The following NIBAN2 variants were observed in gnomAD, a reference collection of about 807,000 sequenced individuals.
NIBAN2 encodes protein Niban 2.
Under a neutral mutation model 81.8 loss-of-function variants are expected in NIBAN2, and 36 were observed. The ratio of observed to expected loss-of-function variants is 0.44; its 90% CI spans 0.34 to 0.58. NIBAN2 has a LOEUF of 0.58. Among genes scored for constraint, NIBAN2 ranks in the 20% least tolerant of loss-of-function variants. The pLI, the probability that NIBAN2 is intolerant of heterozygous loss-of-function variation, is 0.02. For missense variants in NIBAN2, 897 were observed against 1,014.1 expected, an observed-to-expected ratio of 0.88 and a Z score of 1.57; for synonymous variants, 445 against 441.6, an observed-to-expected ratio of 1.01 and a Z score of -0.10.
intron 8 of NIBAN2, among the ~76,000 whole-genome samples, chr9:127,510,904 G>T (rs551592212): frequency 6.6e-6 from 1 of 152,078 alleles, no homozygotes; most frequent in Non-Finnish European, 1.5e-5. Flanking sequence ...GATGCAGGGG[G>T]TACACTGCAG....
chr9:127,575,526 C>CTTTTT (rs60340873), intron 1 of NIBAN2, among the ~76,000 whole-genome samples: 8 of 122,322 alleles, frequency 6.5e-5, no homozygotes, highest in East Asian at 2.4e-4. Context: ...GTGCTGGGCC[C>CTTTTT]TTTTTTTTTT....
rs938641351 is a variant in NIBAN2, at chr9:127,517,762, T to G, written c.705+64A>C. The stretch of plus-strand genomic sequence containing the variant: ...AGCCCCATCTCTGTACCCCACCCCC[T>G]GCCCTCCCCTGCTGGGTCCTTGGGT... On this transcript the variant is annotated intron_variant, in intron 6 of 13. Transcript: ENST00000373312. This position sits in a 1 kb window ranked among gnomAD's most constrained non-coding sequence, Gnocchi z 4.0. 8.6e-6 allele frequency: 7 copies of G among 811,122 alleles called. No homozygotes were observed. Among genetic ancestry groups the G allele is most frequent in the African/African-American group, 7.0e-5 (4 of 57,080 alleles). 50.2% of individuals were successfully genotyped at this position (811,122 alleles called of 1,614,324 possible). A position where few individuals can be genotyped will look rare whatever the true frequency, so the allele number is the denominator to read the frequency against.
At position 127,578,685 on chromosome 9, in the gene NIBAN2, GAAAAGA is replaced by G. The variant is rs373796500; in HGVS notation, c.16+231_16+236del. Among the ~76,000 whole-genome samples, 7 of 151,212 alleles carry G rather than the reference GAAAAGA, an allele frequency of 4.6e-5. No homozygotes were observed. The East Asian group carries it at 1.4e-3, about 29-fold the overall frequency. On this transcript the variant is annotated intron_variant, in intron 1 of 13. Coordinates refer to the NIBAN2 transcript ENST00000373314. ...CTCCGCCTAAAAAAAAAAAAGAAAA[GAAAAGA>G]AAAAGAAAAAGAACCCCTTGTCAGT...
In NIBAN2 at chr9:127,528,495, C is replaced by T. The variant is rs552275629; in HGVS notation, c.187-1173G>A. Among the ~76,000 whole-genome samples the T allele has an allele frequency of 1.8e-4, 27 of 152,262 alleles. No homozygotes were observed. The South Asian group carries it at 2.3e-3, about 13-fold the overall frequency. On this transcript the variant is annotated intron_variant, in intron 2 of 13. Transcript: ENST00000373312. ...GCACCTTCCTGGCTTCCTGGCTCTG[C>T]GCTGGCCCATCCCTGCAGTCCCGTC...
At position 127,510,319 on chromosome 9, in the gene NIBAN2, T is replaced by C; in HGVS notation, c.988A>G (p.Lys330Glu). Reference sequence around the variant, plus strand: ...TGGTTCCGCACGCACACCTCTGCCTTGGGGAGGATGAAGGCTGTGCCCCGA... The same window carrying C: ...TGGTTCCGCACGCACACCTCTGCCTCGGGGAGGATGAAGGCTGTGCCCCGA... The part of the protein sequence containing the change: ...ASKIRAFILP[K>E]AEVCVRNHVQ... Residue 330 changes from lysine (K) to glutamate (E), a missense_variant, in exon 9 of 14, where the codon AAG becomes GAG. Physicochemically the swap from Lys to Glu is moderately conservative, Grantham distance 56. Around this residue, in one of 3 missense-constraint regions of NIBAN2, gnomAD observed 619 missense variants for 691.0 expected, o/e 0.90. Coordinates refer to ENST00000373312, the MANE Select transcript of NIBAN2 (RefSeq NM_022833.4). 1 of 1,606,220 alleles carries C rather than the reference T, an allele frequency of 6.2e-7. No individual in the cohort carries two copies. Among genetic ancestry groups the C allele is most frequent in the South Asian group, 1.1e-5 (1 of 90,636 alleles).
At chr9:127,511,048 T>C (rs556349801) in intron 8 of NIBAN2, among the ~76,000 whole-genome samples, 1 of 152,142 alleles carries the variant, frequency 6.6e-6, no homozygotes, top group Admixed American at 6.5e-5. Context: ...CATATTATTA[T>C]TGTTATTAAT....
intron 8 of NIBAN2, among the ~76,000 whole-genome samples, chr9:127,512,905 G>A (rs62584999): frequency 6.6e-6 from 1 of 152,174 alleles, no homozygotes; most frequent in African/African-American, 2.4e-5. Flanking sequence ...CCATCGCAGC[G>A]ATATCTGCAC....
At chr9:127,578,999 ACGTCCTTGAGAGCT>A, upstream of NIBAN2, 2 of 1,482,546 alleles carry the variant, frequency 1.3e-6, no homozygotes, top group East Asian at 4.8e-5. Flanking sequence ...GACTCCTAGC[ACGTCCTTGAGAGCT>A]GTTTGCTGCT....
intron 1 of NIBAN2, among the ~76,000 whole-genome samples, chr9:127,547,333 A>G (rs1837489475): frequency 6.6e-6 from 1 of 150,960 alleles, no homozygotes; most frequent in Non-Finnish European, 1.5e-5. Flanking sequence ...CCTGGCCAAC[A>G]TGGTGAAACA....
At chr9:127,568,132 T>G in intron 1 of NIBAN2, among the ~76,000 whole-genome samples, 1 of 152,144 alleles carries the variant, frequency 6.6e-6, no homozygotes, top group Non-Finnish European at 1.5e-5. Context: ...GAGAGTAGGG[T>G]TGGCTGAAGA....
At chr9:127,553,455 T>G (rs1029775636) in intron 1 of NIBAN2, among the ~76,000 whole-genome samples, 2 of 152,226 alleles carry the variant, frequency 1.3e-5, no homozygotes, top group South Asian at 4.1e-4. Context: ...AAACTCTTCC[T>G]GAGTATTTGC....
At chr9:127,528,971 C>A (rs996538457) in intron 2 of NIBAN2, among the ~76,000 whole-genome samples, 1 of 152,238 alleles carries the variant, frequency 6.6e-6, no homozygotes, top group African/African-American at 2.4e-5. Flanking sequence ...CTCAACAACC[C>A]CCACCACCCA....
intron 1 of NIBAN2, among the ~76,000 whole-genome samples, chr9:127,550,050 G>A (rs193115596): frequency 6.6e-6 from 1 of 152,260 alleles, no homozygotes; most frequent in East Asian, 1.9e-4. Context: ...GGGTGAGTGG[G>A]GACCGCCTCA....
At chr9:127,511,296 C>T (rs899255611) in intron 8 of NIBAN2, among the ~76,000 whole-genome samples, 7 of 152,120 alleles carry the variant, frequency 4.6e-5, no homozygotes, top group African/African-American at 1.4e-4. Flanking sequence ...GACCCGCCCA[C>T]CTCGGCCTCC....
rs577488836 is a variant in NIBAN2 at position 127,555,186 on chromosome 9, C to G, written c.55+13634G>C. Among the ~76,000 whole-genome samples, 10 of 152,208 alleles carry G rather than the reference C, an allele frequency of 6.6e-5. No homozygotes were observed. The East Asian group carries it at 1.5e-3, about 23-fold the overall frequency. On this transcript the variant is annotated intron_variant, in intron 1 of 13. Transcript: ENST00000373312. ...TTCCATCCCCCATGCTGTAATGTAACCATTTTGTTACCTAACGCGGTACAT... is the reference window on the plus strand; with the variant it reads ...TTCCATCCCCCATGCTGTAATGTAAGCATTTTGTTACCTAACGCGGTACAT...
At chr9:127,527,974 C>CA (rs1355022789) in intron 2 of NIBAN2, among the ~76,000 whole-genome samples, 1 of 152,220 alleles carries the variant, frequency 6.6e-6, no homozygotes, top group Non-Finnish European at 1.5e-5. Context: ...TAGTGACCTA[C>CA]ATGGGCTGCA....
rs1277939529 is a variant in NIBAN2 at position 127,507,335 on chromosome 9, C to T, written c.1751G>A (p.Gly584Asp). ...CTCCTCGCCCCAGTCGATGGGGGCGCCCTCGGCCAGCAGGTGCAGGTTGGG... is the reference window on the plus strand; with the variant it reads ...CTCCTCGCCCCAGTCGATGGGGGCGTCCTCGGCCAGCAGGTGCAGGTTGGG... Reference protein sequence around the residue: ...SDPNLHLLAEGAPIDWGEEYS... With the variant: ...SDPNLHLLAEDAPIDWGEEYS... The change falls in exon 14 of 14, where the codon GGC becomes GAC. Residue 584 changes from glycine (G) to aspartate (D), a missense_variant. Transcript: ENST00000373312. This position sits in a 1 kb window ranked among gnomAD's most constrained non-coding sequence, Gnocchi z 6.8. The T allele has an allele frequency of 6.4e-7, 1 of 1,554,022 alleles. No individual in the cohort carries two copies. Among genetic ancestry groups the T allele is most frequent in the Non-Finnish European group, 8.7e-7 (1 of 1,147,268 alleles).
chr9:127,542,836 C>T (rs946266488), intron 1 of NIBAN2, among the ~76,000 whole-genome samples: 3 of 152,246 alleles, frequency 2.0e-5, no homozygotes, highest in African/African-American at 7.2e-5. Flanking sequence ...AATTCTTCTG[C>T]CTCAGCCTCC....
intron 3 of NIBAN2, among the ~76,000 whole-genome samples, chr9:127,526,931 G>A (rs763091796): frequency 7.7e-6 from 1 of 129,650 alleles, no homozygotes; most frequent in Non-Finnish European, 1.7e-5. Context: ...AGGAGGGATG[G>A]GGAGGAGTGA....
Sources: allele counts gnomAD v4.1 joint callset (sites outside exome capture counted in the v4.1 genomes callset), GRCh38; gene constraint gnomAD v4.1.1; regional missense constraint gnomAD v4.1.1; non-coding constraint Gnocchi (gnomAD v3.1); transcripts MANE v1.5; gene names NCBI Gene and HGNC (gene_info 2026-07-23, HGNC 2026-07-21).